MAMLD1: variants seen among roughly 807,000 people sequenced by gnomAD.
MAMLD1 encodes mastermind like domain containing 1, also known as mastermind-like domain-containing protein 1.
MAMLD1 carries 14 observed loss-of-function variants against 45.0 expected under a neutral mutation model. The observed-to-expected ratio is 0.31, with a 90% CI of 0.21 to 0.49. The LOEUF (loss-of-function observed/expected upper bound fraction) is 0.49. Ranked by LOEUF, MAMLD1 falls within the 20% of genes least tolerant of loss-of-function variation. The probability of loss-of-function intolerance (pLI) is 0.99; values close to 1 mark genes in which losing one functional copy is unlikely to be tolerated. For synonymous variants in MAMLD1, 254 were observed against 247.8 expected, an observed-to-expected ratio of 1.02 and a Z score of -0.24; for missense variants, 543 against 603.6, an observed-to-expected ratio of 0.90 and a Z score of 1.05.
intron 1 of MAMLD1, among the ~76,000 whole-genome samples, chrX:150,375,920 C>T (rs782233112): frequency 2.7e-5 from 3 of 111,823 alleles, no homozygotes; most frequent in Non-Finnish European, 5.6e-5. Flanking sequence ...TGGGTGGTTG[C>T]CCTTTGGAAG....
At chrX:150,365,673 C>T (rs2031378468) in intron 1 of MAMLD1, among the ~76,000 whole-genome samples, 1 of 113,210 alleles carries the variant, frequency 8.8e-6, no homozygotes, top group Non-Finnish European at 1.9e-5. Flanking sequence ...CCCGCGCCCT[C>T]CTGCCACACC....
At position 150,487,189 on chromosome X, in the gene MAMLD1, C is replaced by T. The variant is rs192864951; in HGVS notation, c.2040+13387C>T. 8.1e-5 allele frequency among the ~76,000 whole-genome samples: 9 copies of T among 111,464 alleles called. No homozygotes were observed. The East Asian group carries it at 2.0e-3, about 24-fold the overall frequency. Reference sequence around the variant, plus strand: ...TCCTTATGGGCCCTTCTGATTCTGACATTTAGGACTCAGGGATTTTTCTTA... The same window carrying T: ...TCCTTATGGGCCCTTCTGATTCTGATATTTAGGACTCAGGGATTTTTCTTA... On this transcript the variant is annotated intron_variant, in intron 5 of 7. Coordinates refer to ENST00000370401, the MANE Select transcript of MAMLD1 (RefSeq NM_005491.5).
chrX:150,370,595 A>G (rs1419507212), intron 1 of MAMLD1, among the ~76,000 whole-genome samples: 1 of 110,998 alleles, frequency 9.0e-6, no homozygotes, highest in African/African-American at 3.3e-5. Flanking sequence ...CTGCTCCCAA[A>G]TTACCAGCCC....
intron 1 of MAMLD1, among the ~76,000 whole-genome samples, chrX:150,442,611 T>C (rs191638829): frequency 2.8e-3 from 310 of 111,810 alleles, no homozygotes; most frequent in African/African-American, 9.8e-3. Flanking sequence ...TTGTGTTAAA[T>C]ATTCCTTCCA....
chrX:150,444,124 G>T (rs1284720460), intron 1 of MAMLD1, among the ~76,000 whole-genome samples: 1 of 111,879 alleles, frequency 8.9e-6, no homozygotes, highest in Non-Finnish European at 1.9e-5. Flanking sequence ...GGACAGGGGT[G>T]AGGATTCCAA....
chrX:150,465,777 T>C (rs368917023), intron 3 of MAMLD1, among the ~76,000 whole-genome samples: 2 of 112,060 alleles, frequency 1.8e-5, no homozygotes, highest in Non-Finnish European at 3.8e-5. Context: ...CTGAAAGAAG[T>C]AGGAGCTGTG....
At chrX:150,500,566 ACT>A (rs2037522662) in intron 5 of MAMLD1, among the ~76,000 whole-genome samples, 1 of 110,645 alleles carries the variant, frequency 9.0e-6, no homozygotes, top group African/African-American at 3.3e-5. Flanking sequence ...CCACTATCAG[ACT>A]CTATCTGTCC....
At chrX:150,374,979 A>T in intron 1 of MAMLD1, among the ~76,000 whole-genome samples, 1 of 110,848 alleles carries the variant, frequency 9.0e-6, no homozygotes, top group Non-Finnish European at 1.9e-5. Context: ...CCCCATCCTG[A>T]GGAAGTGGGG....
chrX:150,479,448 AGTTTTTTGTTTT>A (rs2036684818), intron 5 of MAMLD1, among the ~76,000 whole-genome samples: 1 of 112,353 alleles, frequency 8.9e-6, no homozygotes, highest in Admixed American at 9.4e-5. Context: ...CCTCCTGTCA[AGTTTTTTGTTTT>A]GTTTTTTGTT....
chrX:150,367,974 G>A lies in MAMLD1; in HGVS notation c.-64+4444G>A, dbSNP rs75809951. Among the ~76,000 whole-genome samples, 368 of 111,210 alleles carry A rather than the reference G, an allele frequency of 3.3e-3. 4 individuals are homozygous for A. The highest frequency in any genetic ancestry group is 0.01 in the African/African-American group (316 of 30,538). On this transcript the variant is annotated intron_variant, in intron 1 of 7. Coordinates refer to ENST00000370401, the MANE Select transcript of MAMLD1 (RefSeq NM_005491.5). ...CAGTCTATCATTGATGGACATTTGG[G>A]TTGGTTCCAAGTCTTTGCTATTGTG...
At chrX:150,412,925 A>G (rs185265807) in intron 1 of MAMLD1, among the ~76,000 whole-genome samples, 353 of 109,934 alleles carry the variant, frequency 3.2e-3, no homozygotes, top group Non-Finnish European at 5.3e-3. Flanking sequence ...GGATTTCCCT[A>G]TGTTGCCCAG....
chrX:150,421,301 C>A (rs781943943), intron 1 of MAMLD1, among the ~76,000 whole-genome samples: 1 of 112,243 alleles, frequency 8.9e-6, no homozygotes, highest in Non-Finnish European at 1.9e-5. Flanking sequence ...CGCTCGCGCA[C>A]GGTGCACGCA....
intron 6 of MAMLD1, chrX:150,503,895 G>A (rs1017400636): frequency 1.3e-4 from 22 of 167,964 alleles, no homozygotes; most frequent in Admixed American, 4.7e-4. Context: ...GGGAACCTGA[G>A]GGGGACAGGG....
intron 1 of MAMLD1, among the ~76,000 whole-genome samples, chrX:150,400,143 CTT>C (rs1439859985): frequency 1.8e-5 from 2 of 112,045 alleles, no homozygotes; most frequent in Non-Finnish European, 3.8e-5. Flanking sequence ...GTTCAGCACT[CTT>C]TTGTGCAGAA....
intron 1 of MAMLD1, among the ~76,000 whole-genome samples, chrX:150,364,974 C>G (rs1255523422): frequency 8.9e-6 from 1 of 111,894 alleles, no homozygotes; most frequent in Non-Finnish European, 1.9e-5. Context: ...GAGTGCCCAC[C>G]GGCCGGGCGG....
At chrX:150,365,723 G>T (rs1405520598) in intron 1 of MAMLD1, among the ~76,000 whole-genome samples, 1 of 112,181 alleles carries the variant, frequency 8.9e-6, no homozygotes, top group Non-Finnish European at 1.9e-5. Context: ...CTCTCCGAGC[G>T]CCCTTTGTTT....
chrX:150,403,927 CAG>C (rs1264451261), intron 1 of MAMLD1, among the ~76,000 whole-genome samples: 3 of 36,402 alleles, frequency 8.2e-5, no homozygotes, highest in African/African-American at 2.7e-4. Context: ...GAAAGAAAGA[CAG>C]AGAAAGAAAG....
At chrX:150,454,826 G>T (rs373052781) in intron 2 of MAMLD1, among the ~76,000 whole-genome samples, 48 of 108,649 alleles carry the variant, frequency 4.4e-4, no homozygotes, top group African/African-American at 1.5e-3. Flanking sequence ...CCATCACCAT[G>T]GCTACCACCA....
intron 1 of MAMLD1, among the ~76,000 whole-genome samples, chrX:150,429,266 G>A (rs1386457525): frequency 9.0e-6 from 1 of 110,574 alleles, no homozygotes; most frequent in Non-Finnish European, 1.9e-5. Context: ...GGCCCCTGAA[G>A]CACCCAAGAA....
Sources: gnomAD v4.1 joint callset for allele counts (sites outside exome capture counted in the v4.1 genomes callset) on GRCh38, gnomAD v4.1.1 for gene constraint, MANE v1.5 for transcripts, NCBI Gene and HGNC (gene_info 2026-07-23, HGNC 2026-07-21) for gene names.